FGF13: variants seen among roughly 807,000 people sequenced by gnomAD.
The protein encoded by FGF13 is fibroblast growth factor homologous factor 2.
A neutral mutation model predicts 19.5 loss-of-function variants in FGF13; 2 were observed. That is an observed-to-expected ratio of 0.10 (90% CI 0.04 to 0.32). The LOEUF is 0.32. Ranked by LOEUF, FGF13 falls within the 10% of genes least tolerant of loss-of-function variation. The pLI is 1.00. For missense variants in FGF13, 113 were observed against 192.7 expected (o/e 0.59, Z 2.45); for synonymous variants, 72 against 76.9 (o/e 0.94, Z 0.33).
At chrX:139,057,319 GAAAA>G (rs1047270329) in intron 1 of FGF13, among the ~76,000 whole-genome samples, 4 of 98,954 alleles carry the variant, frequency 4.0e-5, no homozygotes, top group Non-Finnish European at 8.3e-5. Flanking sequence ...CTGTCAAGAA[GAAAA>G]AAAAAAACAA....
chrX:138,959,086 C>T (rs1454617778), intron 1 of FGF13, among the ~76,000 whole-genome samples: 1 of 111,557 alleles, frequency 9.0e-6, no homozygotes, highest in Non-Finnish European at 1.9e-5. Flanking sequence ...TTTGCTCTTG[C>T]TTCTCTAGCT....
intron 3 of FGF13, among the ~76,000 whole-genome samples, chrX:138,686,372 T>A (rs959893524): frequency 4.5e-5 from 5 of 111,846 alleles, no homozygotes; most frequent in Non-Finnish European, 7.5e-5. Context: ...TGTGAAATAA[T>A]TAATGTGCCA....
At chrX:138,846,047 C>T (rs988296850) in intron 3 of FGF13, among the ~76,000 whole-genome samples, 1 of 111,042 alleles carries the variant, frequency 9.0e-6, no homozygotes, top group South Asian at 3.9e-4. Context: ...CCATAGAGGG[C>T]TGTGATTAAT....
chrX:138,797,050 T>C, intron 3 of FGF13, among the ~76,000 whole-genome samples: 1 of 112,116 alleles, frequency 8.9e-6, no homozygotes, highest in Non-Finnish European at 1.9e-5. Flanking sequence ...GCAGAAGCTA[T>C]TAAGTTGAAT....
At chrX:139,011,811 T>G (rs1480374499) in intron 1 of FGF13, among the ~76,000 whole-genome samples, 1 of 111,498 alleles carries the variant, frequency 9.0e-6, no homozygotes, top group African/African-American at 3.3e-5. Flanking sequence ...CCACTTCTAT[T>G]CAACATAGTA....
intron 3 of FGF13, among the ~76,000 whole-genome samples, chrX:138,825,423 G>A (rs751291921): frequency 8.1e-4 from 91 of 111,963 alleles, no homozygotes; most frequent in Non-Finnish European, 1.2e-3. Context: ...CATAATAGTC[G>A]TCCATAATGT....
intron 1 of FGF13, among the ~76,000 whole-genome samples, chrX:138,952,178 T>C (rs1301140913): frequency 1.8e-5 from 2 of 111,205 alleles, no homozygotes; most frequent in Non-Finnish European, 3.8e-5. Flanking sequence ...CTTCAAACTA[T>C]ACTACAGGGC....
At chrX:138,718,851 T>C (rs2124270359) in intron 1 of FGF13, among the ~76,000 whole-genome samples, 1 of 112,384 alleles carries the variant, frequency 8.9e-6, no homozygotes, top group African/African-American at 3.2e-5. Flanking sequence ...AAACTGGGGT[T>C]GGAAATGGTG....
intron 1 of FGF13, among the ~76,000 whole-genome samples, chrX:139,061,931 A>G (rs1224576059): frequency 9.5e-6 from 1 of 105,220 alleles, no homozygotes; most frequent in Non-Finnish European, 1.9e-5. Context: ...TCTTCTTGCT[A>G]TTGCGTTCTC....
intron 3 of FGF13, among the ~76,000 whole-genome samples, chrX:138,769,750 G>A (rs1397469161): frequency 1.8e-5 from 2 of 112,157 alleles, no homozygotes; most frequent in Admixed American, 9.5e-5. Flanking sequence ...TATTGTTGCC[G>A]AAGAGGACTT....
intron 1 of FGF13, among the ~76,000 whole-genome samples, chrX:139,169,284 G>T (rs1166656366): frequency 2.7e-5 from 3 of 111,589 alleles, no homozygotes; most frequent in Admixed American, 9.6e-5. Flanking sequence ...AGAGCATAAG[G>T]TGCCTTTCTA....
chrX:138,904,532 G>A lies in FGF13; in HGVS notation c.-112-39882C>T, dbSNP rs761912073. On this transcript the variant is annotated intron_variant, in intron 1 of 2. Coordinates refer to the FGF13 transcript ENST00000421460. ...TAAGACACTTCCATTCTAGATAAGT[G>A]GTGCTCAACTTGCACTGGCTGCACA... 3.6e-5 allele frequency among the ~76,000 whole-genome samples: 4 copies of A among 111,709 alleles called. No homozygotes were observed. The South Asian group carries it at 1.5e-3, about 42-fold the overall frequency.
At chrX:138,980,081 T>G (rs1326474375) in intron 1 of FGF13, among the ~76,000 whole-genome samples, 10 of 112,425 alleles carry the variant, frequency 8.9e-5, no homozygotes, top group Non-Finnish European at 1.9e-5. Flanking sequence ...AACTCATGAT[T>G]AAAATGTATA....
At chrX:138,743,531 G>A (rs769805700), upstream of FGF13, among the ~76,000 whole-genome samples, 2 of 110,992 alleles carry the variant, frequency 1.8e-5, no homozygotes, top group African/African-American at 3.3e-5. Flanking sequence ...ATGGACTTTC[G>A]GTGATAAGGG....
chrX:139,078,125 G>C (rs1374720700), intron 1 of FGF13, among the ~76,000 whole-genome samples: 9 of 110,680 alleles, frequency 8.1e-5, no homozygotes. Flanking sequence ...AATTCGGAAT[G>C]ATTTAAATGA....
At chrX:138,953,914 GC>G (rs765014987) in intron 1 of FGF13, among the ~76,000 whole-genome samples, 22 of 110,730 alleles carry the variant, frequency 2.0e-4, no homozygotes, top group African/African-American at 6.6e-4. Context: ...ACATAGAAAA[GC>G]CTTTGTCTCT....
intron 1 of FGF13, among the ~76,000 whole-genome samples, chrX:138,879,984 G>GA (rs1307320924): frequency 5.4e-5 from 6 of 111,399 alleles, no homozygotes; most frequent in South Asian, 3.7e-4. Context: ...AAATTTACAA[G>GA]AAAAAAACAA....
At chrX:138,974,655 G>A (rs1043275620) in intron 1 of FGF13, among the ~76,000 whole-genome samples, 1 of 112,376 alleles carries the variant, frequency 8.9e-6, no homozygotes, top group South Asian at 3.7e-4. Flanking sequence ...AGAAAGGAAA[G>A]AGAAAAAGTC....
At chrX:138,865,450 C>CCTCTCTCTCT (rs370662542) in intron 1 of FGF13, among the ~76,000 whole-genome samples, 1 of 89,252 alleles carries the variant, frequency 1.1e-5, no homozygotes, top group Non-Finnish European at 2.1e-5. Flanking sequence ...CTCTCTCTCT[C>CCTCTCTCTCT]CTCTCTCTCT....
Sources: allele counts gnomAD v4.1 joint callset (sites outside exome capture counted in the v4.1 genomes callset), GRCh38; gene constraint gnomAD v4.1.1; transcripts MANE v1.5; gene names NCBI Gene and HGNC (gene_info 2026-07-23, HGNC 2026-07-21).